Variants in NRXN1 observed in about 807,000 individuals in gnomAD.
NRXN1 encodes neurexin 1, also known as neurexin-1.
In NRXN1, 39 loss-of-function variants were observed where a neutral mutation model predicts 150.9. The observed-to-expected ratio is 0.26, with a 90% CI of 0.20 to 0.34. The LOEUF (loss-of-function observed/expected upper bound fraction) is 0.34, where lower values mean the gene tolerates loss of function less well. NRXN1 is among the 10% of genes least tolerant of loss of function. The pLI is 1.00. For synonymous variants in NRXN1, 924 were observed against 757.0 expected (o/e 1.22, Z -3.62); for missense variants, 1,815 against 1,949.9 (o/e 0.93, Z 1.30).
At chr2:50,507,067 A>C (rs2092259747) in intron 12 of NRXN1, 1 of 155,884 alleles carries the variant, frequency 6.4e-6, no homozygotes, top group African/African-American at 2.4e-5. Context: ...TCTAGAAGAC[A>C]TCTGACTGTA....
intron 18 of NRXN1, among the ~76,000 whole-genome samples, chr2:50,228,591 G>A (rs1029564958): frequency 5.3e-5 from 8 of 151,990 alleles, no homozygotes; most frequent in Non-Finnish European, 1.0e-4. Context: ...GTGTCTTTGG[G>A]AGTGAGCAGC....
chr2:50,529,227 T>C (rs574327188), intron 11 of NRXN1, among the ~76,000 whole-genome samples: 2 of 152,320 alleles, frequency 1.3e-5, no homozygotes, highest in African/African-American at 4.8e-5. Context: ...CTGGATTCCA[T>C]ACCTTGCGTT....
intron 9 of NRXN1, among the ~76,000 whole-genome samples, chr2:50,538,855 C>T (rs1363131347): frequency 2.8e-5 from 4 of 143,822 alleles, no homozygotes; most frequent in East Asian, 1.9e-4. Flanking sequence ...CATTTGAACT[C>T]GAGAATGGAA....
At chr2:50,335,750 C>G (rs368778099) in intron 17 of NRXN1, among the ~76,000 whole-genome samples, 1 of 152,270 alleles carries the variant, frequency 6.6e-6, no homozygotes, top group South Asian at 2.1e-4. Context: ...TTGGAAGAAT[C>G]AGACACCAGG....
At position 50,703,074 on chromosome 2, in the gene NRXN1, A is replaced by G. The variant is rs567126979; in HGVS notation, c.833-79459T>C. ...CTCAACATTCTCAAATGTTTTGCTC[A>G]AGCACTCTATTACTGTTAGTATTGC... On this transcript the variant is annotated intron_variant, in intron 5 of 22. Coordinates refer to ENST00000401669, the MANE Select transcript of NRXN1 (RefSeq NM_001330078.2). 2.0e-4 allele frequency among the ~76,000 whole-genome samples: 30 copies of G among 152,256 alleles called. 1 individual carries two copies. The South Asian group carries it at 6.2e-3, about 32-fold the overall frequency.
intron 18 of NRXN1, among the ~76,000 whole-genome samples, chr2:50,210,751 T>A (rs985495283): frequency 3.1e-4 from 47 of 151,612 alleles, no homozygotes; most frequent in African/African-American, 1.0e-3. Flanking sequence ...AGAAAATAGA[T>A]AATGTACTAG....
At position 50,321,648 on chromosome 2, in the gene NRXN1, G is replaced by C; in HGVS notation, c.3365-84678C>G. On this transcript the variant is annotated intron_variant, in intron 17 of 22. Coordinates refer to ENST00000401669, the MANE Select transcript of NRXN1 (RefSeq NM_001330078.2). ...CTACCTTTTAAAAGATAGCAAATGA[G>C]AGAGGCAAGGTGCTTTTTGTTTGGT... 1.3e-5 allele frequency among the ~76,000 whole-genome samples: 2 copies of C among 152,118 alleles called. 1 individual carries two copies. The highest frequency in any genetic ancestry group is 2.9e-5 in the Non-Finnish European group (2 of 67,996).
intron 17 of NRXN1, among the ~76,000 whole-genome samples, chr2:50,421,302 G>T (rs563266195): frequency 4.0e-5 from 6 of 151,790 alleles, no homozygotes; most frequent in Non-Finnish European, 7.4e-5. Context: ...CATCGGTAAG[G>T]ATATAATTTA....
rs1194779858 is a variant in NRXN1 at position 50,019,910 on chromosome 2, T to A, written c.4128+33361A>T. On this transcript the variant is annotated intron_variant, in intron 21 of 22. Transcript: ENST00000401669. The stretch of plus-strand genomic sequence containing the variant: ...TTGCAGTGAGCCGAGATCGCGCCAC[T>A]GCACTCCGGCCTGGGTGACAAAGCA... Among the ~76,000 whole-genome samples the A allele has an allele frequency of 2.4e-4, 30 of 124,920 alleles. 1 individual carries two copies. The highest frequency in any genetic ancestry group is 9.0e-4 in the African/African-American group (29 of 32,298). 82.0% of individuals were successfully genotyped at this position (124,920 alleles called of 152,430 possible).
chr2:50,803,255 T>G (rs1574528406), intron 5 of NRXN1, among the ~76,000 whole-genome samples: 1 of 152,306 alleles, frequency 6.6e-6, no homozygotes, highest in African/African-American at 2.4e-5. Context: ...ATACACTTAA[T>G]GAAGAAATTG....
chr2:50,072,530 T>A (rs200293139), intron 19 of NRXN1, among the ~76,000 whole-genome samples: 124 of 138,542 alleles, frequency 9.0e-4, no homozygotes, highest in African/African-American at 2.6e-3. Context: ...CTAAGAAATT[T>A]AAAAAAAAAA....
intron 17 of NRXN1, among the ~76,000 whole-genome samples, chr2:50,374,871 C>T (rs1351913906): frequency 6.6e-6 from 1 of 152,118 alleles, no homozygotes; most frequent in African/African-American, 2.4e-5. Flanking sequence ...GTTTCACAGC[C>T]TTCCTTTTGA....
chr2:50,588,558 T>C (rs1385259397), intron 8 of NRXN1: 2 of 152,180 alleles, frequency 1.3e-5, no homozygotes, highest in Non-Finnish European at 2.9e-5. Context: ...GTGCCTTCAG[T>C]AAGTTATAGT....
Position 50,531,393 on chromosome 2 carries a change from C to G in NRXN1, c.2181G>C (p.Met727Ile). The change falls in exon 11 of 23, where the codon ATG becomes ATC. Residue 727 changes from methionine (M) to isoleucine (I), a missense_variant. By Grantham distance (10) the Met-to-Ile change is conservative. This residue lies in a region of NRXN1 where 638 missense variants were observed against 652.6 expected (regional missense o/e 0.98). Transcript: ENST00000401669. The part of the protein sequence containing the change: ...TVLSYDGSMF[M>I]KIQLPVVMHT... ...GCATGACTACGGGGAGCTGAATTTT[C>G]ATAAACATGCTCCCATCATAGCTCA... 6.2e-7 allele frequency: 1 copy of G among 1,612,324 alleles called. No homozygotes were observed. The highest frequency in any genetic ancestry group is 1.1e-5 in the South Asian group (1 of 90,678).
chr2:50,582,481 A>AAAG (rs1205739872), intron 8 of NRXN1, among the ~76,000 whole-genome samples: 1 of 143,194 alleles, frequency 7.0e-6, no homozygotes, highest in African/African-American at 2.7e-5. Context: ...TCGTCTCCAA[A>AAAG]AAAAAAAAAA....
At chr2:50,270,677 T>TG (rs2069482993) in intron 17 of NRXN1, among the ~76,000 whole-genome samples, 1 of 151,622 alleles carries the variant, frequency 6.6e-6, no homozygotes, top group Non-Finnish European at 1.5e-5. Flanking sequence ...GATATAGTTT[T>TG]TTTTTTTTTT....
intron 5 of NRXN1, among the ~76,000 whole-genome samples, chr2:50,833,421 T>A (rs1330969887): frequency 1.3e-5 from 2 of 152,198 alleles, no homozygotes; most frequent in African/African-American, 4.8e-5. Context: ...ATCAGGTACA[T>A]GGATAAACAT....
chr2:50,570,388 T>C (rs1670488770), intron 8 of NRXN1, among the ~76,000 whole-genome samples: 1 of 152,224 alleles, frequency 6.6e-6, no homozygotes. Context: ...TCATACCTTA[T>C]TAATTGCTAT....
intron 19 of NRXN1, among the ~76,000 whole-genome samples, chr2:50,069,975 C>G (rs139748203): frequency 1.3e-5 from 2 of 151,604 alleles, no homozygotes; most frequent in Non-Finnish European, 1.5e-5. Flanking sequence ...CTCAGCCTCC[C>G]GAGTAGCTGG....
Sources: allele counts gnomAD v4.1 joint callset (sites outside exome capture counted in the v4.1 genomes callset), GRCh38; gene constraint gnomAD v4.1.1; regional missense constraint gnomAD v4.1.1; transcripts MANE v1.5; gene names NCBI Gene and HGNC (gene_info 2026-07-23, HGNC 2026-07-21).